Variants in ARMH1 observed in about 807,000 individuals in gnomAD.
ARMH1 encodes the protein armadillo like helical domain containing 1, also known as armadillo-like helical domain containing protein 1.
Under a neutral mutation model 50.2 loss-of-function variants are expected in ARMH1, and 34 were observed. The observed-to-expected ratio is 0.68, with a 90% CI of 0.51 to 0.90. ARMH1 has a LOEUF of 0.90. Among genes scored for constraint, ARMH1 ranks in the 40% least tolerant of loss-of-function variants. The pLI is 0.00. For missense variants in ARMH1, 538 were observed against 553.9 expected (o/e 0.97, Z 0.29); for synonymous variants, 221 against 224.2 (o/e 0.99, Z 0.13).
At chr1:44,718,982 A>G (rs1263199132) in intron 6 of ARMH1, among the ~76,000 whole-genome samples, 1 of 147,148 alleles carries the variant, frequency 6.8e-6, no homozygotes, top group Non-Finnish European at 1.5e-5. Flanking sequence ...CTAAGATCGC[A>G]CCATAGTACT....
chr1:44,716,479 A>G (rs1557559384), intron 6 of ARMH1, among the ~76,000 whole-genome samples: 1 of 152,172 alleles, frequency 6.6e-6, no homozygotes, highest in Non-Finnish European at 1.5e-5. Flanking sequence ...AGATGTCACC[A>G]GTGGACTTCT....
chr1:44,724,673 G>C lies in ARMH1; in HGVS notation c.1050+5G>C. 1 of 1,485,602 alleles carries C rather than the reference G, an allele frequency of 6.7e-7. No homozygotes were observed. The highest frequency in any genetic ancestry group is 8.9e-7 in the Non-Finnish European group (1 of 1,124,470). The allele number at this position is 1,485,602 out of a possible 1,614,324, so 92.0% of individuals were successfully genotyped here. On this transcript the variant is annotated splice_donor_5th_base_variant and intron_variant, in intron 9 of 11. Transcript: ENST00000535358. The surrounding 1 kb of genome is among the most constrained non-coding windows in gnomAD (Gnocchi z 6.4). ...CTGGCCAGCCTCACGCTGGAGGTGC[G>C]CGCGGCGGCTGGTTAGGGGGCGGGA...
Position 44,725,518 on chromosome 1 carries a change from G to C in ARMH1, c.*115G>C. Reference sequence around the variant, plus strand: ...CCACTTGGCTCCAGGGGGGAGACGGGGATTAGGCATCCCAGAGGGGCAGAG... The same window carrying C: ...CCACTTGGCTCCAGGGGGGAGACGGCGATTAGGCATCCCAGAGGGGCAGAG... On this transcript the variant is annotated 3_prime_UTR_variant, in exon 12 of 12. Transcript: ENST00000535358. The C allele has an allele frequency of 9.8e-7, 1 of 1,023,388 alleles. No individual in the cohort carries two copies. Among genetic ancestry groups the C allele is most frequent in the South Asian group, 1.5e-5 (1 of 67,710 alleles). The allele number at this position is 1,023,388 out of a possible 1,614,324, so 63.4% of individuals were successfully genotyped here. A position where few individuals can be genotyped will look rare whatever the true frequency, so the allele number is the denominator to read the frequency against.
At chr1:44,675,663 AAAAAC>A (rs1645112664) in intron 1 of ARMH1, among the ~76,000 whole-genome samples, 1 of 151,606 alleles carries the variant, frequency 6.6e-6, no homozygotes, top group Admixed American at 6.6e-5. Flanking sequence ...CCCTGTCTCA[AAAAAC>A]AAAACAAAGA....
chr1:44,678,109 G>A (rs1303314265), intron 1 of ARMH1, among the ~76,000 whole-genome samples: 1 of 152,120 alleles, frequency 6.6e-6, no homozygotes, highest in Non-Finnish European at 1.5e-5. Flanking sequence ...AGAGTAAAAA[G>A]GTTGGGAAGG....
chr1:44,702,674 T>C (rs1333420871), intron 5 of ARMH1, among the ~76,000 whole-genome samples: 14 of 131,400 alleles, frequency 1.1e-4, no homozygotes, highest in Admixed American at 1.9e-4. Context: ...ATTGTGCCAC[T>C]GCACTCCAGC....
chr1:44,708,903 C>T (rs1338964722), intron 6 of ARMH1, among the ~76,000 whole-genome samples: 1 of 152,136 alleles, frequency 6.6e-6, no homozygotes, highest in African/African-American at 2.4e-5. Flanking sequence ...CTCACCTCTC[C>T]CTTTTTCTCT....
At chr1:44,710,262 C>A (rs1646543474) in intron 6 of ARMH1, among the ~76,000 whole-genome samples, 1 of 152,054 alleles carries the variant, frequency 6.6e-6, no homozygotes, top group Non-Finnish European at 1.5e-5. Flanking sequence ...CGGTTCTTGG[C>A]TGTGTAAAGT....
chr1:44,686,934 A>G (rs1385874360), intron 1 of ARMH1, among the ~76,000 whole-genome samples: 1 of 151,550 alleles, frequency 6.6e-6, no homozygotes, highest in Non-Finnish European at 1.5e-5. Flanking sequence ...GCCGGGCAAC[A>G]TAGTGAGACC....
chr1:44,691,491 A>G (rs776142346), intron 2 of ARMH1, among the ~76,000 whole-genome samples: 1 of 151,708 alleles, frequency 6.6e-6, no homozygotes, highest in African/African-American at 2.4e-5. Context: ...CCACTTCTCA[A>G]AACACTCCTG....
intron 6 of ARMH1, among the ~76,000 whole-genome samples, chr1:44,720,619 A>G (rs1042313078): frequency 1.3e-5 from 2 of 152,212 alleles, no homozygotes; most frequent in African/African-American, 4.8e-5. Context: ...CTACGGGTTC[A>G]GAGACATAGG....
intron 6 of ARMH1, among the ~76,000 whole-genome samples, chr1:44,709,469 G>A (rs186385133): frequency 8.4e-4 from 128 of 152,204 alleles, no homozygotes; most frequent in East Asian, 1.5e-3. Flanking sequence ...TCAGGAGATC[G>A]AGACCATCCT....
At chr1:44,694,682 A>G (rs1164547494) in intron 2 of ARMH1, among the ~76,000 whole-genome samples, 1 of 151,296 alleles carries the variant, frequency 6.6e-6, no homozygotes, top group African/African-American at 2.4e-5. Flanking sequence ...GCTAATTTTT[A>G]TATTTTTAGT....
chr1:44,683,635 G>GA lies in ARMH1; in HGVS notation c.-22-6040dup. ...GCTAAACCACTAAATCTGACAACAG[G>GA]AGATTATTGGTGACACCTTGGAGCA... is the stretch of plus-strand genomic sequence containing the variant. On this transcript the variant is annotated intron_variant, in intron 1 of 11. Transcript: ENST00000535358. The surrounding 1 kb of genome is among the most constrained non-coding windows in gnomAD (Gnocchi z 4.2). Among the ~76,000 whole-genome samples the GA allele has an allele frequency of 6.6e-6, 1 of 152,176 alleles. No homozygotes were observed. Among genetic ancestry groups the GA allele is most frequent in the Non-Finnish European group, 1.5e-5 (1 of 68,034 alleles).
intron 2 of ARMH1, among the ~76,000 whole-genome samples, chr1:44,694,149 G>A (rs1030517763): frequency 6.6e-6 from 1 of 152,190 alleles, no homozygotes; most frequent in Non-Finnish European, 1.5e-5. Context: ...AATGAACCAT[G>A]CTTTTACTGA....
intron 6 of ARMH1, among the ~76,000 whole-genome samples, chr1:44,709,003 C>T (rs956539280): frequency 6.6e-6 from 1 of 152,120 alleles, no homozygotes; most frequent in East Asian, 1.9e-4. Flanking sequence ...TTAAAAGAGA[C>T]TTAAAAGACA....
chr1:44,700,633 AAG>A (rs1257118758), intron 4 of ARMH1, among the ~76,000 whole-genome samples: 40 of 152,038 alleles, frequency 2.6e-4, no homozygotes, highest in South Asian at 8.3e-4. Flanking sequence ...AAAAAAAAAA[AAG>A]AGTTATCATA....
intron 6 of ARMH1, among the ~76,000 whole-genome samples, chr1:44,710,590 CAG>C (rs564649778): frequency 1.8e-3 from 191 of 108,108 alleles, no homozygotes; most frequent in African/African-American, 7.0e-3. Flanking sequence ...GCCTAGGCAA[CAG>C]AGCAAGACTC....
At chr1:44,699,110 G>A (rs977544421) in intron 4 of ARMH1, among the ~76,000 whole-genome samples, 8 of 151,826 alleles carry the variant, frequency 5.3e-5, no homozygotes, top group Admixed American at 2.6e-4. Context: ...GTGAAACCCC[G>A]TCTCTACTGA....
Sources: allele counts gnomAD v4.1 joint callset (sites outside exome capture counted in the v4.1 genomes callset), GRCh38; gene constraint gnomAD v4.1.1; non-coding constraint Gnocchi (gnomAD v3.1); transcripts MANE v1.5; gene names NCBI Gene and HGNC (gene_info 2026-07-23, HGNC 2026-07-21).